SPEF2: variants seen among roughly 807,000 people sequenced by gnomAD.
SPEF2 encodes sperm flagellar and cilia associated 2.
In SPEF2, 187 loss-of-function variants were observed where a neutral mutation model predicts 224.6. The ratio of observed to expected loss-of-function variants is 0.83; its 90% confidence interval spans 0.74 to 0.94. The LOEUF (loss-of-function observed/expected upper bound fraction) is 0.94. Among genes scored for constraint, SPEF2 ranks in the 40% least tolerant of loss-of-function variants. The pLI is 0.00. For missense variants in SPEF2, 2,170 were observed against 2,135.6 expected (o/e 1.02, Z -0.32); for synonymous variants, 715 against 707.3 (o/e 1.01, Z -0.17).
At chr5:35,739,776 G>C in intron 21 of SPEF2, 143 bp from the exon 22 acceptor site, 1 of 813,890 alleles carries the variant, frequency 1.2e-6, no homozygotes, top group East Asian at 2.7e-5. Context: ...TGTGAGAGAA[G>C]AGGAGCAAGA....
rs376677038 is a variant in SPEF2 at position 35,619,289 on chromosome 5, G to A, written c.58+1234G>A. ...TGTTTCTTATTCCTGTCTCACCATA[G>A]GAGCCAAAATAAAATATCATGCCCT... On this transcript the variant is annotated intron_variant, in intron 1 of 36. Coordinates refer to ENST00000356031, the MANE Select transcript of SPEF2 (RefSeq NM_024867.4). 1.2e-4 allele frequency among the ~76,000 whole-genome samples: 19 copies of A among 152,200 alleles called. No individual in the cohort carries two copies. In the South Asian group the frequency reaches 3.7e-3, roughly 30 times the overall value.
intron 1 of SPEF2, among the ~76,000 whole-genome samples, chr5:35,624,943 T>C (rs1744030227): frequency 6.6e-6 from 1 of 152,198 alleles, no homozygotes; most frequent in African/African-American, 2.4e-5. Flanking sequence ...CCCTGTCTTC[T>C]TATTTTATAC....
intron 5 of SPEF2, among the ~76,000 whole-genome samples, chr5:35,648,036 T>G (rs1037466047): frequency 1.3e-5 from 2 of 152,232 alleles, no homozygotes; most frequent in Non-Finnish European, 2.9e-5. Flanking sequence ...TTATTGAACA[T>G]GTGCTGTATG....
At chr5:35,641,807 G>C in intron 3 of SPEF2, 124 bp downstream of exon 3, 1 of 1,002,032 alleles carries the variant, frequency 1.0e-6, no homozygotes, top group Non-Finnish European at 1.4e-6. Context: ...TATGTTACTG[G>C]CCATACTTGG....
chr5:35,723,865 C>A (rs1251496944), intron 20 of SPEF2, among the ~76,000 whole-genome samples: 4 of 152,144 alleles, frequency 2.6e-5, no homozygotes, highest in Non-Finnish European at 5.9e-5. Context: ...ATAGCAAATG[C>A]AAAATACATT....
chr5:35,746,847 AC>A (rs1472917871), intron 23 of SPEF2, among the ~76,000 whole-genome samples: 7 of 152,292 alleles, frequency 4.6e-5, no homozygotes, highest in South Asian at 4.1e-4. Flanking sequence ...TCACAAAAAA[AC>A]ATCACCTAGG....
At chr5:35,620,169 C>T (rs1213935102) in intron 1 of SPEF2, among the ~76,000 whole-genome samples, 1 of 152,162 alleles carries the variant, frequency 6.6e-6, no homozygotes, top group Admixed American at 6.5e-5. Flanking sequence ...GATTTGTGCA[C>T]TCAAGGAAGC....
intron 3 of SPEF2, among the ~76,000 whole-genome samples, chr5:35,643,143 GCT>G (rs1479977382): frequency 9.2e-5 from 14 of 152,212 alleles, no homozygotes; most frequent in Non-Finnish European, 1.3e-4. Flanking sequence ...AGTGGCAAGT[GCT>G]ATAAGAGCTG....
At chr5:35,795,824 G>A (rs772132690) in intron 33 of SPEF2, 29 bp downstream of exon 33, 1 of 1,544,142 alleles carries the variant, frequency 6.5e-7, no homozygotes, top group Admixed American at 1.7e-5. Flanking sequence ...AAAACATGTG[G>A]CATTATAGCA....
chr5:35,765,544 C>T lies in SPEF2; in HGVS notation c.3801+1842C>T, dbSNP rs114611730. On this transcript the variant is annotated intron_variant, in intron 26 of 36. Coordinates refer to ENST00000356031, the MANE Select transcript of SPEF2 (RefSeq NM_024867.4). ...GTGCTAAACCCTTTCACCGTTTCAC[C>T]GCACTATCATCTTTGTCATACATTA... Among the ~76,000 whole-genome samples the T allele has an allele frequency of 6.6e-3, 1,005 of 152,248 alleles. 15 individuals are homozygous for T. Among genetic ancestry groups the T allele is most frequent in the African/African-American group, 0.023 (950 of 41,546 alleles).
chr5:35,670,120 T>C lies in SPEF2; in HGVS notation c.1417T>C (p.Tyr473His). 6.2e-7 allele frequency: 1 copy of C among 1,611,936 alleles called. No homozygotes were observed. The highest frequency in any genetic ancestry group is 8.5e-7 in the Non-Finnish European group (1 of 1,178,882). Residue 473 changes from tyrosine (Y) to histidine (H), a missense_variant, in exon 10 of 37, where the codon TAT (tyrosine) becomes CAT (histidine). Transcript: ENST00000356031. The stretch of plus-strand genomic sequence containing the variant: ...ACTATTTTTTAATGCAAAACCCATA[T>C]ATGAACAAGCCTCTGTTAAGACACT... Reference protein sequence around the residue: ...KELFFNAKPIYEQASVKTLPA... With the variant: ...KELFFNAKPIHEQASVKTLPA...
intron 12 of SPEF2, among the ~76,000 whole-genome samples, chr5:35,693,000 G>C (rs1164333559): frequency 6.6e-6 from 1 of 152,194 alleles, no homozygotes; most frequent in African/African-American, 2.4e-5. Flanking sequence ...GGACTGTCTT[G>C]TGTGATGGGC....
intron 19 of SPEF2, among the ~76,000 whole-genome samples, chr5:35,711,683 T>C (rs1741183979): frequency 6.6e-6 from 1 of 151,380 alleles, no homozygotes; most frequent in African/African-American, 2.4e-5. Flanking sequence ...TACTTGGATT[T>C]TTAAATATCC....
chr5:35,741,217 A>G (rs1449847478), intron 23 of SPEF2, among the ~76,000 whole-genome samples: 6 of 152,228 alleles, frequency 3.9e-5, no homozygotes, highest in Admixed American at 3.3e-4. Context: ...AGCTATGTAG[A>G]GAGCAAGAAA....
At chr5:35,710,321 G>C in intron 19 of SPEF2, 1 of 894,536 alleles carries the variant, frequency 1.1e-6, no homozygotes, top group Non-Finnish European at 1.3e-6. Context: ...ACTTTGGGAG[G>C]CTGAGGTGGG....
At chr5:35,658,198 G>A (rs1424147659) in intron 7 of SPEF2, among the ~76,000 whole-genome samples, 1 of 152,188 alleles carries the variant, frequency 6.6e-6, no homozygotes, top group Admixed American at 6.5e-5. Context: ...ATTGCCCAAG[G>A]CCACCCAGCC....
At chr5:35,661,261 TATATA>T (rs1749670539) in intron 8 of SPEF2, among the ~76,000 whole-genome samples, 1 of 9,512 alleles carries the variant, frequency 1.1e-4, no homozygotes, top group Admixed American at 1.1e-3. Flanking sequence ...ATATTATATA[TATATA>T]TATATATATA....
intron 16 of SPEF2, chr5:35,702,167 G>C (rs1353287754): frequency 2.2e-6 from 1 of 456,170 alleles, no homozygotes; most frequent in Non-Finnish European, 4.4e-6. Flanking sequence ...GCAGGATCCT[G>C]GGCTGAGTGG....
At chr5:35,619,399 C>A (rs908725325) in intron 1 of SPEF2, among the ~76,000 whole-genome samples, 1 of 152,090 alleles carries the variant, frequency 6.6e-6, no homozygotes, top group Non-Finnish European at 1.5e-5. Context: ...AAACCACACC[C>A]GGGCCGGGTG....
Sources: allele counts gnomAD v4.1 joint callset (sites outside exome capture counted in the v4.1 genomes callset), GRCh38; gene constraint gnomAD v4.1.1; transcripts MANE v1.5; gene names NCBI Gene and HGNC (gene_info 2026-07-23, HGNC 2026-07-21).